Variants in UMPS observed in about 807,000 individuals in gnomAD.
UMPS encodes the protein uridine monophosphate synthetase, also known as uridine 5'-monophosphate synthase.
Under a neutral mutation model 38.9 loss-of-function variants are expected in UMPS, and 21 were observed. The observed-to-expected ratio is 0.54, with a 90% confidence interval of 0.38 to 0.78. The LOEUF is 0.78. UMPS is among the 30% of genes least tolerant of loss of function. The pLI is 0.00. For missense variants in UMPS, 533 were observed against 591.6 expected (o/e 0.90, Z 1.03); for synonymous variants, 208 against 219.3 (o/e 0.95, Z 0.45).
intron 5 of UMPS, chr3:124,742,613 T>C (rs993859157): frequency 9.2e-5 from 21 of 228,352 alleles, no homozygotes; most frequent in Non-Finnish European, 1.5e-4. Context: ...TGACTAGATA[T>C]TATAGTTAGG....
chr3:124,745,096 T>A lies in UMPS; in HGVS notation c.*1012T>A, dbSNP rs1476831611. The A allele has an allele frequency of 2.2e-6, 1 of 454,102 alleles. No homozygotes were observed. The highest frequency in any genetic ancestry group is 6.9e-4 in the Middle Eastern group (1 of 1,444). 28.1% of individuals were successfully genotyped at this position (454,102 alleles called of 1,614,324 possible). On this transcript the variant is annotated 3_prime_UTR_variant, in exon 6 of 6. Transcript: ENST00000232607. ...ACAATTAGGAGGTCTAAGATTCCATTTGGGTATTTGCTTAAGGATCCCACA... is the reference window on the plus strand; with the variant it reads ...ACAATTAGGAGGTCTAAGATTCCATATGGGTATTTGCTTAAGGATCCCACA...
rs1559906084 is a variant in UMPS, at chr3:124,740,022, A to G, written c.983-2A>G. On this transcript the variant is annotated splice_acceptor_variant, in intron 3 of 5. Coordinates refer to ENST00000232607, the MANE Select transcript of UMPS (RefSeq NM_000373.4). LOFTEE classifies it high-confidence loss of function. Reference sequence around the variant, plus strand: ...AATATCTTTTTTCCCCCTTCTTCTTAGGAGGTATCTTTAAAATAGCTTCCT... The same window carrying G: ...AATATCTTTTTTCCCCCTTCTTCTTGGGAGGTATCTTTAAAATAGCTTCCT... 1.2e-6 allele frequency: 2 copies of G among 1,614,102 alleles called. No individual in the cohort carries two copies. The highest frequency in any genetic ancestry group is 1.7e-6 in the Non-Finnish European group (2 of 1,179,998).
Position 124,746,907 on chromosome 3 carries a change from C to T in UMPS, c.*2823C>T, listed in dbSNP as rs1299402809. ...AGAATCGTAAAGGGATATGCTCAGTCTCACAGCCAGCCTGTGGATCTCAGT... is the reference window on the plus strand; with the variant it reads ...AGAATCGTAAAGGGATATGCTCAGTTTCACAGCCAGCCTGTGGATCTCAGT... On this transcript the variant is annotated 3_prime_UTR_variant, in exon 6 of 6. Coordinates refer to ENST00000232607, the MANE Select transcript of UMPS (RefSeq NM_000373.4). 6.6e-6 allele frequency: 3 copies of T among 453,644 alleles called. No individual in the cohort carries two copies. Among genetic ancestry groups the T allele is most frequent in the Non-Finnish European group, 1.3e-5 (3 of 226,540 alleles). The allele number at this position is 453,644 out of a possible 1,614,324, so 28.1% of individuals were successfully genotyped here.
At position 124,747,478 on chromosome 3, in the gene UMPS, T is replaced by A. The variant is rs944287278; in HGVS notation, c.*3394T>A. 24 of 453,974 alleles carry A rather than the reference T, an allele frequency of 5.3e-5. 1 individual carries two copies. In the Admixed American group the frequency reaches 5.6e-4, roughly 11 times the overall value. 28.1% of individuals were successfully genotyped at this position (453,974 alleles called of 1,614,324 possible). Reference sequence around the variant, plus strand: ...AAACTCTCGTGTTTCTGCTCACCCCTCTCTGGCTTCTGCCACCACATGGGA... The same window carrying A: ...AAACTCTCGTGTTTCTGCTCACCCCACTCTGGCTTCTGCCACCACATGGGA... On this transcript the variant is annotated 3_prime_UTR_variant, in exon 6 of 6. Transcript: ENST00000232607.
In UMPS at chr3:124,742,181, T is replaced by A; in HGVS notation, c.1188T>A (p.Phe396Leu). 1 of 1,614,100 alleles carries A rather than the reference T, an allele frequency of 6.2e-7. No homozygotes were observed. The highest frequency in any genetic ancestry group is 8.5e-7 in the Non-Finnish European group (1 of 1,180,014). ...AVRMAEEHSE[F>L]VVGFISGSRV... ...GAATGGCTGAGGAGCACTCTGAATT[T>A]GTTGTTGGTTTTATTTCTGGCTCCC... The change falls in exon 5 of 6, where the codon TTT becomes TTA. Residue 396 changes from phenylalanine to leucine, a missense_variant. Coordinates refer to ENST00000232607, the MANE Select transcript of UMPS (RefSeq NM_000373.4).
Position 124,744,122 on chromosome 3 carries a change from A to G in UMPS, c.*38A>G. 6.2e-7 allele frequency: 1 copy of G among 1,610,544 alleles called. No homozygotes were observed. The highest frequency in any genetic ancestry group is 8.5e-7 in the Non-Finnish European group (1 of 1,177,626). ...CATTTTTCAGATACAATGTGAAGAC[A>G]TTGAAGATATGTGGTCCTCCTGAAA... On this transcript the variant is annotated 3_prime_UTR_variant, in exon 6 of 6. Transcript: ENST00000232607.
rs144601331 is a variant in UMPS, at chr3:124,737,737, G to T, written c.480G>T (p.Lys160Asn). 1 of 1,614,160 alleles carries T rather than the reference G, an allele frequency of 6.2e-7. No homozygotes were observed. The highest frequency in any genetic ancestry group is 8.5e-7 in the Non-Finnish European group (1 of 1,180,034). The change falls in exon 3 of 6, where the codon AAG becomes AAT. Residue 160 changes from lysine (K) to asparagine (N), a missense_variant. Transcript: ENST00000232607. ...IVLLDREQGGKDKLQAHGIRL... is the reference protein window; with the variant it reads ...IVLLDREQGGNDKLQAHGIRL... ...TGTTGGACAGAGAGCAGGGAGGCAAGGACAAGTTGCAGGCGCACGGGATCC... is the reference window on the plus strand; with the variant it reads ...TGTTGGACAGAGAGCAGGGAGGCAATGACAAGTTGCAGGCGCACGGGATCC...
At position 124,743,947 on chromosome 3, in the gene UMPS, C is replaced by G. The variant is rs747403485; in HGVS notation, c.1306C>G (p.Gln436Glu). ...TCTTGGCCAACAGTACAATAGCCCA[C>G]AAGAAGTTATTGGCAAACGAGGTTC... ...DNLGQQYNSP[Q>E]EVIGKRGSDI... Residue 436 changes from glutamine to glutamate, a missense_variant, in exon 6 of 6, where the codon CAA becomes GAA. Physicochemically the swap from Gln to Glu is conservative, Grantham distance 29. Coordinates refer to ENST00000232607, the MANE Select transcript of UMPS (RefSeq NM_000373.4). The G allele has an allele frequency of 8.5e-5, 137 of 1,614,070 alleles. No individual in the cohort carries two copies. The highest frequency in any genetic ancestry group is 1.1e-4 in the Non-Finnish European group (132 of 1,180,034).
In UMPS at chr3:124,745,929, C is replaced by A; in HGVS notation, c.*1845C>A. 2 of 454,070 alleles carry A rather than the reference C, an allele frequency of 4.4e-6. No individual in the cohort carries two copies. The highest frequency in any genetic ancestry group is 8.8e-6 in the Non-Finnish European group (2 of 226,772). The allele number at this position is 454,070 out of a possible 1,614,324, so 28.1% of individuals were successfully genotyped here. A position where few individuals can be genotyped will look rare whatever the true frequency, so the allele number is the denominator to read the frequency against. On this transcript the variant is annotated 3_prime_UTR_variant, in exon 6 of 6. Transcript: ENST00000232607. ...GGAGTCTTGTCAAAACAGGTACCAG[C>A]CCCACCCGCAGCGTTTCTGACTCTG...
chr3:124,738,431 A>T, intron 3 of UMPS, 192 bp downstream of exon 3: 1 of 617,820 alleles, frequency 1.6e-6, no homozygotes, highest in African/African-American at 1.8e-5. Context: ...TTCTCTGTTG[A>T]CTTCTTTCTC....
rs529808773 is a variant in UMPS at position 124,746,425 on chromosome 3, T to C, written c.*2341T>C. On this transcript the variant is annotated 3_prime_UTR_variant, in exon 6 of 6. Transcript: ENST00000232607. ...CTATTGTGAAGAGTCAGCCCAGTAC[T>C]GCAGGCCTCTTACCTAAGCAGAATC... The C allele has an allele frequency of 2.4e-5, 11 of 454,154 alleles. No homozygotes were observed. Among genetic ancestry groups the C allele is most frequent in the African/African-American group, 2.2e-4 (11 of 50,142 alleles). 28.1% of individuals were successfully genotyped at this position (454,154 alleles called of 1,614,324 possible).
At position 124,746,867 on chromosome 3, in the gene UMPS, C is replaced by T. The variant is rs150877793; in HGVS notation, c.*2783C>T. On this transcript the variant is annotated 3_prime_UTR_variant, in exon 6 of 6. Coordinates refer to ENST00000232607, the MANE Select transcript of UMPS (RefSeq NM_000373.4). ...TGCACTTCCTCTTATTTTAGAGCTC[C>T]CAAAGTGTAGCTCCAGAATCGTAAA... 1.3e-5 allele frequency: 6 copies of T among 452,056 alleles called. No individual in the cohort carries two copies. In the East Asian group the frequency reaches 4.2e-4, roughly 32 times the overall value. The allele number at this position is 452,056 out of a possible 1,614,324, so 28.0% of individuals were successfully genotyped here. A position where few individuals can be genotyped will look rare whatever the true frequency, so the allele number is the denominator to read the frequency against.
chr3:124,747,528 G>C lies in UMPS; in HGVS notation c.*3444G>C. 2.2e-6 allele frequency: 1 copy of C among 454,074 alleles called. No homozygotes were observed. The highest frequency in any genetic ancestry group is 1.6e-5 in the South Asian group (1 of 64,472). The allele number at this position is 454,074 out of a possible 1,614,324, so 28.1% of individuals were successfully genotyped here. A position where few individuals can be genotyped will look rare whatever the true frequency, so the allele number is the denominator to read the frequency against. ...AAGAATATGCCCTGGTTAGCCCATG[G>C]CTTCTGAAGAGCAAGAGAAAGTAGA... is the stretch of plus-strand genomic sequence containing the variant. On this transcript the variant is annotated 3_prime_UTR_variant, in exon 6 of 6. Transcript: ENST00000232607.
rs778045426 is a variant in UMPS at position 124,743,941 on chromosome 3, A to G, written c.1300A>G (p.Ser434Gly). ...AGATAATCTTGGCCAACAGTACAATAGCCCACAAGAAGTTATTGGCAAACG... is the reference window on the plus strand; with the variant it reads ...AGATAATCTTGGCCAACAGTACAATGGCCCACAAGAAGTTATTGGCAAACG... Reference protein sequence around the residue: ...GGDNLGQQYNSPQEVIGKRGS... With the variant: ...GGDNLGQQYNGPQEVIGKRGS... Residue 434 changes from serine to glycine, a missense_variant, in exon 6 of 6, where the codon AGC (serine) becomes GGC (glycine). Transcript: ENST00000232607. 4 of 1,614,244 alleles carry G rather than the reference A, an allele frequency of 2.5e-6. No individual in the cohort carries two copies. In the South Asian group the frequency reaches 4.4e-5, roughly 18 times the overall value.
Position 124,748,495 on chromosome 3 carries a change from G to C in UMPS, c.*4411G>C, listed in dbSNP as rs1413621873. Reference sequence around the variant, plus strand: ...AAGTTCAAGGTTTTGGCATAAGTCTGGTTTAGAAGCACATTTGCCTAGCCC... The same window carrying C: ...AAGTTCAAGGTTTTGGCATAAGTCTCGTTTAGAAGCACATTTGCCTAGCCC... On this transcript the variant is annotated 3_prime_UTR_variant, in exon 6 of 6. Coordinates refer to ENST00000232607, the MANE Select transcript of UMPS (RefSeq NM_000373.4). 1 of 453,906 alleles carries C rather than the reference G, an allele frequency of 2.2e-6. No individual in the cohort carries two copies. Among genetic ancestry groups the C allele is most frequent in the Non-Finnish European group, 4.4e-6 (1 of 226,790 alleles). The allele number at this position is 453,906 out of a possible 1,614,324, so 28.1% of individuals were successfully genotyped here. A position where few individuals can be genotyped will look rare whatever the true frequency, so the allele number is the denominator to read the frequency against.
chr3:124,737,592 C>G lies in UMPS; in HGVS notation c.335C>G (p.Thr112Ser). ...GGAACTAAGCGTCTTGTAGAAGGAACTATTAATCCAGGAGAAACCTGTTTA... is the reference window on the plus strand; with the variant it reads ...GGAACTAAGCGTCTTGTAGAAGGAAGTATTAATCCAGGAGAAACCTGTTTA... Reference protein sequence around the residue: ...DYGTKRLVEGTINPGETCLII... With the variant: ...DYGTKRLVEGSINPGETCLII... Residue 112 changes from threonine (T) to serine (S), a missense_variant, in exon 3 of 6, where the codon ACT becomes AGT. Coordinates refer to ENST00000232607, the MANE Select transcript of UMPS (RefSeq NM_000373.4). 1 of 1,614,184 alleles carries G rather than the reference C, an allele frequency of 6.2e-7. No individual in the cohort carries two copies.
chr3:124,748,281 G>A lies in UMPS; in HGVS notation c.*4197G>A, dbSNP rs756705990. 5 of 453,592 alleles carry A rather than the reference G, an allele frequency of 1.1e-5. No homozygotes were observed. Among genetic ancestry groups the A allele is most frequent in the Admixed American group, 4.7e-5 (2 of 42,522 alleles). The allele number at this position is 453,592 out of a possible 1,614,324, so 28.1% of individuals were successfully genotyped here. On this transcript the variant is annotated 3_prime_UTR_variant, in exon 6 of 6. Transcript: ENST00000232607. ...TAATCAATGCTGTTTTATTAAATGCGGATTTTATTTTGGATTACAGGATGT... is the reference window on the plus strand; with the variant it reads ...TAATCAATGCTGTTTTATTAAATGCAGATTTTATTTTGGATTACAGGATGT...
chr3:124,737,910 T>C lies in UMPS; in HGVS notation c.653T>C (p.Ile218Thr). The C allele has an allele frequency of 6.2e-7, 1 of 1,614,190 alleles. No homozygotes were observed. Among genetic ancestry groups the C allele is most frequent in the Non-Finnish European group, 8.5e-7 (1 of 1,180,028 alleles). Residue 218 changes from isoleucine to threonine, a missense_variant, in exon 3 of 6, where the codon ATA becomes ACA. Coordinates refer to ENST00000232607, the MANE Select transcript of UMPS (RefSeq NM_000373.4). The stretch of plus-strand genomic sequence containing the variant: ...AATCATAATGGTTCTCCCCTTTCTA[T>C]AAAGGAAGCACCCAAAGAACTCAGC... ...AANHNGSPLS[I>T]KEAPKELSFG... is the part of the protein sequence containing the mutation.
intron 4 of UMPS, among the ~76,000 whole-genome samples, chr3:124,740,696 A>C (rs1201243625): frequency 6.6e-6 from 1 of 152,124 alleles, no homozygotes; most frequent in Non-Finnish European, 1.5e-5. Flanking sequence ...AGTTGCTCAC[A>C]CCTGTAATCC....
Sources: allele counts gnomAD v4.1 joint callset (sites outside exome capture counted in the v4.1 genomes callset), GRCh38; gene constraint gnomAD v4.1.1; transcripts MANE v1.5; gene names NCBI Gene and HGNC (gene_info 2026-07-23, HGNC 2026-07-21).